NELL1: variants seen among roughly 807,000 people sequenced by gnomAD.
NELL1 encodes protein kinase C-binding protein NELL1.
Under a neutral mutation model 107.4 loss-of-function variants are expected in NELL1, and 76 were observed. That is an observed-to-expected ratio of 0.71 (90% CI 0.59 to 0.86). The LOEUF is 0.86. Among genes scored for constraint, NELL1 ranks in the 40% least tolerant of loss-of-function variants. NELL1 has a pLI of 0.00. For synonymous variants in NELL1, 353 were observed against 341.2 expected (o/e 1.03, Z -0.38); for missense variants, 1,024 against 1,005.5 (o/e 1.02, Z -0.25).
intron 2 of NELL1, among the ~76,000 whole-genome samples, chr11:20,718,204 T>C (rs1855297925): frequency 6.6e-6 from 1 of 152,214 alleles, no homozygotes; most frequent in Non-Finnish European, 1.5e-5. Context: ...GGAAAAGATC[T>C]ATAGCTACAC....
At chr11:21,264,094 G>GTGTGTGTGTGTGTGTGTGTGTT (rs765470467) in intron 14 of NELL1, among the ~76,000 whole-genome samples, 1 of 151,532 alleles carries the variant, frequency 6.6e-6, no homozygotes, top group Non-Finnish European at 1.5e-5. Context: ...GTGTGTGTGT[G>GTGTGTGTGTGTGTGTGTGTGTT]TGTTTGTGTG....
intron 10 of NELL1, among the ~76,000 whole-genome samples, chr11:20,946,279 G>T (rs1320350728): frequency 6.6e-6 from 1 of 152,116 alleles, no homozygotes; most frequent in Non-Finnish European, 1.5e-5. Flanking sequence ...GGCCTTAAAT[G>T]AGATGCCTCT....
chr11:21,314,479 T>A (rs1033081854), intron 14 of NELL1, among the ~76,000 whole-genome samples: 1 of 152,172 alleles, frequency 6.6e-6, no homozygotes, highest in African/African-American at 2.4e-5. Context: ...TAAGGCACTT[T>A]AGCATAACAT....
chr11:20,807,055 T>A, intron 3 of NELL1, among the ~76,000 whole-genome samples: 1 of 137,818 alleles, frequency 7.3e-6, no homozygotes, highest in South Asian at 2.2e-4. Context: ...CATTATTTAG[T>A]TTTTTTTTTT....
intron 17 of NELL1, among the ~76,000 whole-genome samples, chr11:21,564,458 A>C (rs1341349974): frequency 6.6e-6 from 1 of 151,900 alleles, no homozygotes; most frequent in Non-Finnish European, 1.5e-5. Flanking sequence ...CCATTACATA[A>C]GAGTAAGAAC....
At chr11:20,741,383 C>T (rs2133934152) in intron 2 of NELL1, among the ~76,000 whole-genome samples, 1 of 152,236 alleles carries the variant, frequency 6.6e-6, no homozygotes, top group East Asian at 1.9e-4. Flanking sequence ...CATACTGTGT[C>T]ACCTGGCAGA....
chr11:21,378,222 T>C (rs1033777556), intron 15 of NELL1, among the ~76,000 whole-genome samples: 6 of 150,056 alleles, frequency 4.0e-5, no homozygotes, highest in Non-Finnish European at 7.4e-5. Context: ...GTGGTCTAGA[T>C]GTAGCATTTT....
At chr11:20,999,311 G>T (rs76486992) in intron 12 of NELL1, among the ~76,000 whole-genome samples, 4,150 of 152,244 alleles carry the variant, frequency 0.027, 157 homozygotes, top group African/African-American at 0.086. Context: ...AAGCTTTAAT[G>T]TGATGCTACT....
At chr11:20,679,188 T>A (rs947569431) in intron 2 of NELL1, among the ~76,000 whole-genome samples, 3 of 152,178 alleles carry the variant, frequency 2.0e-5, no homozygotes, top group African/African-American at 7.2e-5. Flanking sequence ...GCCATGTACT[T>A]TTTGTTACCT....
chr11:20,724,381 G>A (rs770037562), intron 2 of NELL1, among the ~76,000 whole-genome samples: 44 of 151,990 alleles, frequency 2.9e-4, no homozygotes, highest in Non-Finnish European at 2.4e-4. Flanking sequence ...CCATCTCTTC[G>A]TGAGCATATA....
intron 12 of NELL1, among the ~76,000 whole-genome samples, chr11:21,082,637 A>G (rs1854295645): frequency 6.6e-6 from 1 of 152,192 alleles, no homozygotes; most frequent in Non-Finnish European, 1.5e-5. Flanking sequence ...CTAGCATTTG[A>G]AAGCCTCTAG....
At chr11:20,858,691 G>C (rs113504503) in intron 4 of NELL1, among the ~76,000 whole-genome samples, 1 of 152,186 alleles carries the variant, frequency 6.6e-6, no homozygotes. Context: ...TCTCCAAGCC[G>C]CTGTTTGCAG....
At chr11:21,303,491 T>C (rs1050829070) in intron 14 of NELL1, among the ~76,000 whole-genome samples, 4 of 152,056 alleles carry the variant, frequency 2.6e-5, no homozygotes, top group African/African-American at 9.7e-5. Flanking sequence ...TCCATCTGAC[T>C]GTAGCCTTAT....
chr11:21,462,520 T>G (rs1337679049), intron 15 of NELL1, among the ~76,000 whole-genome samples: 2 of 152,084 alleles, frequency 1.3e-5, no homozygotes, highest in Non-Finnish European at 2.9e-5. Flanking sequence ...CCATATGATG[T>G]TAAGCAATGG....
In NELL1 at chr11:21,337,837, TTTTCTTTC is replaced by T. The variant is rs1555006223; in HGVS notation, c.1550-32975_1550-32968del. ...CTTTCCTTCTTTCTTTCTTTCTTTC[TTTTCTTTC>T]TTTCTTTCTTTCTTTCTTTCTTTCT... On this transcript the variant is annotated intron_variant, in intron 14 of 19. Coordinates refer to ENST00000357134, the MANE Select transcript of NELL1 (RefSeq NM_006157.5). 6.2e-3 allele frequency among the ~76,000 whole-genome samples: 537 copies of T among 86,632 alleles called. 15 individuals carry two copies. The highest frequency in any genetic ancestry group is 0.023 in the African/African-American group (485 of 21,226). 56.8% of individuals were successfully genotyped at this position (86,632 alleles called of 152,430 possible).
intron 14 of NELL1, among the ~76,000 whole-genome samples, chr11:21,340,395 G>A (rs147615359): frequency 4.6e-5 from 7 of 152,062 alleles, no homozygotes; most frequent in Admixed American, 6.5e-5. Context: ...CTTGTGATTC[G>A]CCTGCCTTGG....
rs74677142 is a variant in NELL1, at chr11:21,410,524, G to A, written c.1645+39576G>A. 7.5e-3 allele frequency among the ~76,000 whole-genome samples: 1,147 copies of A among 152,004 alleles called. 17 individuals are homozygous for A. The highest frequency in any genetic ancestry group is 0.026 in the African/African-American group (1,083 of 41,496). ...ATTTCCTTTTCTGGGCTCCTTTCCAGCACCATATTCACACAATTCAATAAT... is the reference window on the plus strand; with the variant it reads ...ATTTCCTTTTCTGGGCTCCTTTCCAACACCATATTCACACAATTCAATAAT... On this transcript the variant is annotated intron_variant, in intron 15 of 19. Coordinates refer to ENST00000357134, the MANE Select transcript of NELL1 (RefSeq NM_006157.5).
chr11:21,399,198 C>G (rs191573234), intron 15 of NELL1, among the ~76,000 whole-genome samples: 1 of 151,692 alleles, frequency 6.6e-6, no homozygotes, highest in Non-Finnish European at 1.5e-5. Context: ...AATTTAAGGT[C>G]AGTTGTATAT....
chr11:20,966,037 T>C (rs1043950404), intron 12 of NELL1, among the ~76,000 whole-genome samples: 4 of 152,226 alleles, frequency 2.6e-5, no homozygotes, highest in African/African-American at 9.6e-5. Context: ...ATGATCTACA[T>C]AGCCCAGTTT....
Sources: gnomAD v4.1 joint callset for allele counts (sites outside exome capture counted in the v4.1 genomes callset) on GRCh38, gnomAD v4.1.1 for gene constraint, MANE v1.5 for transcripts, NCBI Gene and HGNC (gene_info 2026-07-23, HGNC 2026-07-21) for gene names.